EPHA3: variants seen among roughly 807,000 people sequenced by gnomAD.
EPHA3 encodes ephrin type-A receptor 3.
In EPHA3, 42 loss-of-function variants were observed where a neutral mutation model predicts 107.1. The observed-to-expected ratio is 0.39, with a 90% CI of 0.31 to 0.51. The LOEUF is 0.51. EPHA3 is among the 20% of genes least tolerant of loss of function. EPHA3 has a pLI of 0.78. For missense variants in EPHA3, 1,183 were observed against 1,211.2 expected (o/e 0.98, Z 0.35); for synonymous variants, 461 against 424.8 (o/e 1.09, Z -1.05).
At chr3:89,207,802 A>G (rs1258022370) in intron 2 of EPHA3, among the ~76,000 whole-genome samples, 1 of 152,106 alleles carries the variant, frequency 6.6e-6, no homozygotes, top group African/African-American at 2.4e-5. Flanking sequence ...TATTCCCATG[A>G]ATAACTCTTA....
intron 3 of EPHA3, among the ~76,000 whole-genome samples, chr3:89,319,873 T>A (rs1384106003): frequency 6.6e-6 from 1 of 151,950 alleles, no homozygotes; most frequent in Non-Finnish European, 1.5e-5. Context: ...CTATAACTAA[T>A]CTGGAAACTT....
chr3:89,234,442 G>A (rs1309380410), intron 3 of EPHA3, among the ~76,000 whole-genome samples: 3 of 152,130 alleles, frequency 2.0e-5, no homozygotes, highest in East Asian at 1.9e-4. Flanking sequence ...CTATGTGAAT[G>A]TTTTTTATTT....
rs1385998888 is a variant in EPHA3, at chr3:89,335,974, G to A, written c.815-4942G>A. Among the ~76,000 whole-genome samples, 3 of 152,110 alleles carry A rather than the reference G, an allele frequency of 2.0e-5. No individual in the cohort carries two copies. In the East Asian group the frequency reaches 5.8e-4, roughly 29 times the overall value. ...GCCTTAGTTAAGTATTGATTTAATAGCTGGTCTCCACTACAGACAACCTTG... is the reference window on the plus strand; with the variant it reads ...GCCTTAGTTAAGTATTGATTTAATAACTGGTCTCCACTACAGACAACCTTG... On this transcript the variant is annotated intron_variant, in intron 3 of 16. Coordinates refer to ENST00000336596, the MANE Select transcript of EPHA3 (RefSeq NM_005233.6).
At chr3:89,215,069 G>A (rs917637562) in intron 3 of EPHA3, among the ~76,000 whole-genome samples, 2 of 151,712 alleles carry the variant, frequency 1.3e-5, no homozygotes, top group Admixed American at 1.3e-4. Context: ...AAATAAGTAA[G>A]CAACTAAGAA....
intron 1 of EPHA3, among the ~76,000 whole-genome samples, chr3:89,121,239 A>AAAT (rs1559740502): frequency 2.6e-5 from 4 of 151,210 alleles, no homozygotes; most frequent in East Asian, 2.0e-4. Context: ...CCGTCTCAAA[A>AAAT]AAATAAATAA....
At chr3:89,168,465 A>C (rs1705131342) in intron 2 of EPHA3, among the ~76,000 whole-genome samples, 1 of 152,132 alleles carries the variant, frequency 6.6e-6, no homozygotes, top group Non-Finnish European at 1.5e-5. Flanking sequence ...AAACCAAAAA[A>C]AATTTAAAAA....
At chr3:89,237,991 A>T (rs1235670020) in intron 3 of EPHA3, among the ~76,000 whole-genome samples, 2 of 152,030 alleles carry the variant, frequency 1.3e-5, no homozygotes, top group Non-Finnish European at 2.9e-5. Context: ...GAAAAAAAAA[A>T]AAAAAGAGGA....
chr3:89,222,767 C>A (rs9873281), intron 3 of EPHA3, among the ~76,000 whole-genome samples: 89,841 of 151,788 alleles, frequency 0.59, 28,440 homozygotes, highest in Non-Finnish European at 0.7. Flanking sequence ...TGAGGCAGCA[C>A]ACAAAATACG....
At chr3:89,172,799 G>A (rs919410699) in intron 2 of EPHA3, among the ~76,000 whole-genome samples, 9 of 152,078 alleles carry the variant, frequency 5.9e-5, no homozygotes, top group Admixed American at 6.5e-5. Context: ...GTAATTATGT[G>A]CATGTCATAG....
chr3:89,276,741 A>G (rs184364843), intron 3 of EPHA3, among the ~76,000 whole-genome samples: 82 of 152,256 alleles, frequency 5.4e-4, no homozygotes, highest in African/African-American at 1.8e-3. Flanking sequence ...TAGCCTTCTC[A>G]GGAAGTCTAG....
At chr3:89,276,505 A>C (rs2107307086) in intron 3 of EPHA3, among the ~76,000 whole-genome samples, 1 of 152,264 alleles carries the variant, frequency 6.6e-6, no homozygotes, top group Non-Finnish European at 1.5e-5. Context: ...CTGATAATAT[A>C]GCATTGCAAG....
chr3:89,276,232 C>A (rs1705802087), intron 3 of EPHA3, among the ~76,000 whole-genome samples: 1 of 152,132 alleles, frequency 6.6e-6, no homozygotes, highest in South Asian at 2.1e-4. Context: ...ATATGTCAAC[C>A]TTTTAAAGAA....
chr3:89,167,651 AC>A (rs2107087543), intron 2 of EPHA3, among the ~76,000 whole-genome samples: 1 of 152,214 alleles, frequency 6.6e-6, no homozygotes, highest in East Asian at 1.9e-4. Context: ...AATACACTGA[AC>A]TTTCTGAGGA....
intron 2 of EPHA3, among the ~76,000 whole-genome samples, chr3:89,197,342 A>ATT (rs1413637690): frequency 7.2e-5 from 11 of 152,106 alleles, no homozygotes; most frequent in African/African-American, 2.7e-4. Context: ...GAAAGGTGCT[A>ATT]TTATTATCTC....
At chr3:89,378,388 A>G (rs1447679420) in intron 5 of EPHA3, among the ~76,000 whole-genome samples, 1 of 152,154 alleles carries the variant, frequency 6.6e-6, no homozygotes, top group African/African-American at 2.4e-5. Flanking sequence ...TCAGTTTTAC[A>G]ATGATTTTAC....
Position 89,479,748 on chromosome 3 carries a change from T to G in EPHA3, c.*246T>G, listed in dbSNP as rs1559711831. ...TTAAATATTAGTTAATGGATTAAATTTAATTCTTCAGCGTAAAATGGTGAA... is the reference window on the plus strand; with the variant it reads ...TTAAATATTAGTTAATGGATTAAATGTAATTCTTCAGCGTAAAATGGTGAA... On this transcript the variant is annotated 3_prime_UTR_variant, in exon 17 of 17. Transcript: ENST00000336596. The G allele has an allele frequency of 4.7e-6, 2 of 424,120 alleles. No individual in the cohort carries two copies. Among genetic ancestry groups the G allele is most frequent in the Non-Finnish European group, 8.5e-6 (2 of 235,820 alleles). 26.3% of individuals were successfully genotyped at this position (424,120 alleles called of 1,614,324 possible). A position where few individuals can be genotyped will look rare whatever the true frequency, so the allele number is the denominator to read the frequency against.
chr3:89,413,062 A>C (rs1246196645), intron 9 of EPHA3, 79 bp from the exon 10 acceptor site: 12 of 1,582,526 alleles, frequency 7.6e-6, no homozygotes, highest in Non-Finnish European at 1.0e-5. Flanking sequence ...TTTTTAAACC[A>C]ATAATGCCAT....
intron 3 of EPHA3, among the ~76,000 whole-genome samples, chr3:89,247,449 G>T (rs1705059838): frequency 6.6e-6 from 1 of 152,134 alleles, no homozygotes; most frequent in South Asian, 2.1e-4. Flanking sequence ...AATTGTGAGG[G>T]ATTCAAGAAC....
intron 10 of EPHA3, among the ~76,000 whole-genome samples, chr3:89,415,557 T>C (rs1217536876): frequency 6.7e-6 from 1 of 148,936 alleles, no homozygotes; most frequent in Non-Finnish European, 1.5e-5. Flanking sequence ...GGAAACTCTC[T>C]TGTATACATT....
Sources: allele counts gnomAD v4.1 joint callset (sites outside exome capture counted in the v4.1 genomes callset), GRCh38; gene constraint gnomAD v4.1.1; transcripts MANE v1.5; gene names NCBI Gene and HGNC (gene_info 2026-07-23, HGNC 2026-07-21).